The following ZNF367 variants were observed in gnomAD, a reference collection of about 807,000 sequenced individuals.
ZNF367 encodes the protein C2H2 zinc finger protein ZFF29.
ZNF367 carries 11 observed loss-of-function variants against 31.8 expected under a neutral mutation model. That is an observed-to-expected ratio of 0.35 (90% CI 0.22 to 0.57). The LOEUF is 0.57. ZNF367 is among the 20% of genes least tolerant of loss of function. ZNF367 has a pLI of 0.85. For synonymous variants in ZNF367, 199 were observed against 202.4 expected (o/e 0.98, Z 0.14); for missense variants, 353 against 484.1 (o/e 0.73, Z 2.54).
At chr9:96,391,915 A>G (rs551847423) in intron 4 of ZNF367, among the ~76,000 whole-genome samples, 21 of 152,244 alleles carry the variant, frequency 1.4e-4, no homozygotes, top group Admixed American at 1.2e-3. Flanking sequence ...AATAACTGGG[A>G]TTATAGGCAC....
rs1831856039 is a variant in ZNF367, at chr9:96,417,887, T to A, written c.146A>T (p.Glu49Val). 6 of 1,516,062 alleles carry A rather than the reference T, an allele frequency of 4.0e-6. No homozygotes were observed. The Admixed American group carries it at 6.5e-5, about 16-fold the overall frequency. The allele number at this position is 1,516,062 out of a possible 1,614,324, so 93.9% of individuals were successfully genotyped here. The change falls in exon 1 of 5, where the codon GAG (glutamate) becomes GTG (valine). Residue 49 changes from glutamate (E) to valine (V), a missense_variant. Physicochemically the swap from Glu to Val is moderately radical, Grantham distance 121. Transcript: ENST00000375256. The surrounding 1 kb of genome is among the most constrained non-coding windows in gnomAD (Gnocchi z 5.0). ...GATGAGCGGCGGCGGCGGCTCCGGC[T>A]CCCCTCCACCGCCGCACGTTGGCTT... ...PIKPTCGGGG[E>V]PEPPPPLIPT... is the part of the protein sequence containing the mutation.
intron 1 of ZNF367, chr9:96,407,640 A>T: frequency 6.9e-7 from 1 of 1,441,258 alleles, no homozygotes; most frequent in South Asian, 1.2e-5. Context: ...GAAAATGGGA[A>T]GTCCCTCTGC....
At position 96,418,023 on chromosome 9, in the gene ZNF367, C is replaced by T; in HGVS notation, c.10G>A (p.Gly4Ser). 2 of 1,375,936 alleles carry T rather than the reference C, an allele frequency of 1.5e-6. No individual in the cohort carries two copies. The highest frequency in any genetic ancestry group is 1.9e-6 in the Non-Finnish European group (2 of 1,071,454). 85.2% of individuals were successfully genotyped at this position (1,375,936 alleles called of 1,614,324 possible). The change falls in exon 1 of 5, where the codon GGC becomes AGC. Residue 4 changes from glycine (G) to serine (S), a missense_variant. Around this residue, in one of 5 missense-constraint regions of ZNF367, gnomAD observed 94 missense variants for 86.7 expected, o/e 1.08. Transcript: ENST00000375256. MIR[G>S]FEAPMAENPP... ...TTCTCCGCCATGGGCGCCTCGAAGC[C>T]CCGGATCATCGCCCGGCCCGACCCC... is the stretch of plus-strand genomic sequence containing the variant.
At chr9:96,403,812 A>T (rs183237082) in intron 1 of ZNF367, among the ~76,000 whole-genome samples, 264 of 152,352 alleles carry the variant, frequency 1.7e-3, no homozygotes, top group Admixed American at 3.3e-3. Flanking sequence ...ATTTCCATAT[A>T]CAAAAGGATA....
At chr9:96,398,444 T>A (rs898940730) in intron 1 of ZNF367, 130 bp from the exon 2 acceptor site, 2 of 696,488 alleles carry the variant, frequency 2.9e-6, no homozygotes, top group Non-Finnish European at 4.4e-6. Context: ...TAGTCCCAGC[T>A]ATTTAGGAGG....
rs763980659 is a variant in ZNF367 at position 96,388,463 on chromosome 9, T to G, written c.831-4A>C. On this transcript the variant is annotated splice_region_variant and splice_polypyrimidine_tract_variant and intron_variant, in intron 4 of 4. Coordinates refer to ENST00000375256, the MANE Select transcript of ZNF367 (RefSeq NM_153695.4). ...CTGCTCTCTCATTTCCCAATACCTA[T>G]GTGAAATGCAGCAACATTAGTTACA... 1 of 1,603,412 alleles carries G rather than the reference T, an allele frequency of 6.2e-7. No homozygotes were observed. The highest frequency in any genetic ancestry group is 8.5e-7 in the Non-Finnish European group (1 of 1,176,898).
chr9:96,386,129 A>AT lies in ZNF367; in HGVS notation c.*2107dup, dbSNP rs1831406877. The AT allele has an allele frequency of 6.6e-6, 1 of 152,146 alleles. No individual in the cohort carries two copies. Among genetic ancestry groups the AT allele is most frequent in the Admixed American group, 6.6e-5 (1 of 15,264 alleles). 9.4% of individuals were successfully genotyped at this position (152,146 alleles called of 1,614,324 possible). A position where few individuals can be genotyped will look rare whatever the true frequency, so the allele number is the denominator to read the frequency against. On this transcript the variant is annotated 3_prime_UTR_variant, in exon 5 of 5. Coordinates refer to ENST00000375256, the MANE Select transcript of ZNF367 (RefSeq NM_153695.4). ...CACCTCAAATTTTAGATACCAATGT[A>AT]TTTTTCCAAGTATATAGCTTATATC...
At chr9:96,398,576 C>G (rs1831562727) in intron 1 of ZNF367, among the ~76,000 whole-genome samples, 1 of 152,080 alleles carries the variant, frequency 6.6e-6, no homozygotes, top group Non-Finnish European at 1.5e-5. Flanking sequence ...AATGGTGAGG[C>G]AGGTAACTCC....
At position 96,417,996 on chromosome 9, in the gene ZNF367, G is replaced by GCGGC; in HGVS notation, c.36_37insGCCG (p.Pro13AlafsTer115). 7.0e-7 allele frequency: 1 copy of GCGGC among 1,422,270 alleles called. No homozygotes were observed. 88.1% of individuals were successfully genotyped at this position (1,422,270 alleles called of 1,614,324 possible). A position where few individuals can be genotyped will look rare whatever the true frequency, so the allele number is the denominator to read the frequency against. ...ATGACGGGCGGCGGCGGCGGCGGCG[G>GCGGC]GTTCTCCGCCATGGGCGCCTCGAAG... On this transcript the variant is annotated frameshift_variant, in exon 1 of 5. Transcript: ENST00000375256. LOFTEE classifies it high-confidence loss of function. The surrounding 1 kb of genome is among the most constrained non-coding windows in gnomAD (Gnocchi z 5.0).
At position 96,388,156 on chromosome 9, in the gene ZNF367, G is replaced by A; in HGVS notation, c.*81C>T. ...ATAGCAGCCTATGATAAGCAAATAA[G>A]GTGCTTAGCTTATGCCCAAGGATCT... is the stretch of plus-strand genomic sequence containing the variant. On this transcript the variant is annotated 3_prime_UTR_variant, in exon 5 of 5. Coordinates refer to ENST00000375256, the MANE Select transcript of ZNF367 (RefSeq NM_153695.4). 1.5e-6 allele frequency: 2 copies of A among 1,335,430 alleles called. No individual in the cohort carries two copies. The highest frequency in any genetic ancestry group is 2.0e-6 in the Non-Finnish European group (2 of 979,652). The allele number at this position is 1,335,430 out of a possible 1,614,324, so 82.7% of individuals were successfully genotyped here. A position where few individuals can be genotyped will look rare whatever the true frequency, so the allele number is the denominator to read the frequency against.
intron 1 of ZNF367, among the ~76,000 whole-genome samples, chr9:96,406,119 T>A (rs1831668363): frequency 6.6e-6 from 1 of 152,186 alleles, no homozygotes; most frequent in Admixed American, 6.5e-5. Flanking sequence ...TCTATACAGC[T>A]AAAACTAATA....
chr9:96,417,706 C>T lies in ZNF367; in HGVS notation c.327G>A (p.Arg109=), dbSNP rs1831851054. The T allele has an allele frequency of 1.7e-6, 2 of 1,194,854 alleles. No individual in the cohort carries two copies. Among genetic ancestry groups the T allele is most frequent in the Admixed American group, 4.4e-5 (1 of 22,832 alleles). 74.0% of individuals were successfully genotyped at this position (1,194,854 alleles called of 1,614,324 possible). A position where few individuals can be genotyped will look rare whatever the true frequency, so the allele number is the denominator to read the frequency against. ...CCGAGGCGGCGGGCGGGGGCGCGCC[C>T]CGGCCACGAAGCCCCGAGTGCTCGG... ...AAAEHSGLRG[R]GAPPPAASAS... The change falls in exon 1 of 5, where the codon CGG becomes CGA. Residue 109 remains arginine, a synonymous_variant. Coordinates refer to ENST00000375256, the MANE Select transcript of ZNF367 (RefSeq NM_153695.4). The surrounding 1 kb of genome is among the most constrained non-coding windows in gnomAD (Gnocchi z 5.0).
chr9:96,409,093 C>T (rs1376877293), intron 1 of ZNF367, among the ~76,000 whole-genome samples: 1 of 152,148 alleles, frequency 6.6e-6, no homozygotes, highest in Admixed American at 6.5e-5. Context: ...TCCTCCCCTC[C>T]CTCTTGTTCC....
intron 1 of ZNF367, among the ~76,000 whole-genome samples, chr9:96,412,367 T>C (rs1366447678): frequency 6.6e-6 from 1 of 152,210 alleles, no homozygotes; most frequent in Admixed American, 6.5e-5. Flanking sequence ...AAGTGTTTAG[T>C]CATGTGATAA....
At chr9:96,399,672 G>T (rs111481506) in intron 1 of ZNF367, among the ~76,000 whole-genome samples, 3,440 of 152,182 alleles carry the variant, frequency 0.023, 135 homozygotes, top group African/African-American at 0.08. Flanking sequence ...ACAAAAATTA[G>T]CCAGGCATAG....
At chr9:96,413,104 T>C (rs1469895129) in intron 1 of ZNF367, among the ~76,000 whole-genome samples, 2 of 152,224 alleles carry the variant, frequency 1.3e-5, no homozygotes, top group African/African-American at 2.4e-5. Context: ...CAGTGCAGTA[T>C]AGGGACTAAG....
At chr9:96,415,774 C>T (rs1036393879) in intron 1 of ZNF367, among the ~76,000 whole-genome samples, 1 of 152,024 alleles carries the variant, frequency 6.6e-6, no homozygotes, top group African/African-American at 2.4e-5. Context: ...GCTGGGATTA[C>T]AGGCGTGAGC....
chr9:96,409,187 T>C (rs1271508525), intron 1 of ZNF367, among the ~76,000 whole-genome samples: 1 of 152,232 alleles, frequency 6.6e-6, no homozygotes, highest in Non-Finnish European at 1.5e-5. Context: ...AAGCAGATTC[T>C]GGTGCCATGC....
At chr9:96,402,444 C>CTTT (rs1174997133) in intron 1 of ZNF367, among the ~76,000 whole-genome samples, 426 of 65,974 alleles carry the variant, frequency 6.5e-3, no homozygotes, top group Middle Eastern at 0.014. Flanking sequence ...TTCTTTCTTT[C>CTTT]TTTTTTTTTT....
Sources: allele counts gnomAD v4.1 joint callset (sites outside exome capture counted in the v4.1 genomes callset), GRCh38; gene constraint gnomAD v4.1.1; regional missense constraint gnomAD v4.1.1; non-coding constraint Gnocchi (gnomAD v3.1); transcripts MANE v1.5; gene names NCBI Gene and HGNC (gene_info 2026-07-23, HGNC 2026-07-21).